The following PDGFD variants were observed in gnomAD, a reference collection of about 807,000 sequenced individuals.
PDGFD encodes platelet-derived growth factor D.
In PDGFD, 30 loss-of-function variants were observed where a neutral mutation model predicts 44.7. The ratio of observed to expected loss-of-function variants is 0.67; its 90% CI spans 0.50 to 0.91. PDGFD has a LOEUF of 0.91. Ranked by LOEUF, PDGFD falls within the 40% of genes least tolerant of loss-of-function variation. The pLI is 0.00. For synonymous variants in PDGFD, 173 were observed against 168.4 expected, an observed-to-expected ratio of 1.03 and a Z score of -0.21; for missense variants, 445 against 457.8, an observed-to-expected ratio of 0.97 and a Z score of 0.25.
At chr11:103,953,135 A>G (rs188676934) in intron 3 of PDGFD, among the ~76,000 whole-genome samples, 253 of 152,266 alleles carry the variant, frequency 1.7e-3, no homozygotes, top group African/African-American at 6.0e-3. Flanking sequence ...ACCTTATATA[A>G]CATTTTGTAT....
At chr11:104,100,909 T>C (rs558458373) in intron 1 of PDGFD, among the ~76,000 whole-genome samples, 1 of 152,266 alleles carries the variant, frequency 6.6e-6, no homozygotes, top group South Asian at 2.1e-4. Flanking sequence ...CAACCCTTCA[T>C]GCTAAAAACT....
intron 3 of PDGFD, among the ~76,000 whole-genome samples, chr11:103,991,037 G>A (rs1859443054): frequency 6.6e-6 from 1 of 151,986 alleles, no homozygotes; most frequent in African/African-American, 2.4e-5. Context: ...TACTCAGGAG[G>A]CTGAGGCAGG....
chr11:104,060,583 T>C (rs889109463), intron 1 of PDGFD, among the ~76,000 whole-genome samples: 1 of 152,252 alleles, frequency 6.6e-6, no homozygotes, highest in African/African-American at 2.4e-5. Context: ...AGGGGAATTC[T>C]GTCTGGCTCA....
chr11:103,964,239 G>C (rs1858981009), intron 3 of PDGFD, among the ~76,000 whole-genome samples: 1 of 152,058 alleles, frequency 6.6e-6, no homozygotes, highest in Non-Finnish European at 1.5e-5. Flanking sequence ...TCCCAGAAGG[G>C]AACTGATTCT....
At chr11:103,981,165 G>C (rs1384106415) in intron 3 of PDGFD, among the ~76,000 whole-genome samples, 1 of 151,562 alleles carries the variant, frequency 6.6e-6, no homozygotes. Context: ...GCATGGGAGT[G>C]GGTTAGTTAT....
chr11:104,086,731 G>T (rs1362610552), intron 1 of PDGFD, among the ~76,000 whole-genome samples: 2 of 152,078 alleles, frequency 1.3e-5, no homozygotes, highest in East Asian at 3.9e-4. Context: ...AATTCCCTTA[G>T]AGCATAATAC....
At chr11:104,048,124 T>C (rs544325668) in intron 1 of PDGFD, among the ~76,000 whole-genome samples, 1 of 152,224 alleles carries the variant, frequency 6.6e-6, no homozygotes, top group East Asian at 1.9e-4. Flanking sequence ...TTCTATATTA[T>C]ATTTGACTGC....
intron 1 of PDGFD, among the ~76,000 whole-genome samples, chr11:104,121,291 A>G (rs1192281637): frequency 8.4e-6 from 1 of 118,432 alleles, no homozygotes; most frequent in Non-Finnish European, 1.7e-5. Context: ...ATTAAGGGGT[A>G]CATATTTGGA....
intron 1 of PDGFD, among the ~76,000 whole-genome samples, chr11:104,135,043 G>T (rs193166813): frequency 4.1e-4 from 63 of 152,324 alleles, no homozygotes; most frequent in African/African-American, 1.5e-3. Flanking sequence ...CTCAGTAGGG[G>T]CTACAGTTAG....
At chr11:104,135,066 T>C (rs574341182) in intron 1 of PDGFD, among the ~76,000 whole-genome samples, 1 of 152,310 alleles carries the variant, frequency 6.6e-6, no homozygotes, top group South Asian at 2.1e-4. Flanking sequence ...CCTCTGAGAA[T>C]AACCATGGGT....
At chr11:104,016,399 G>A (rs555534532) in intron 1 of PDGFD, among the ~76,000 whole-genome samples, 5 of 152,302 alleles carry the variant, frequency 3.3e-5, no homozygotes, top group East Asian at 3.9e-4. Context: ...TTAAGAAAGC[G>A]GAGCCTTTCT....
At chr11:104,130,052 T>C (rs752057597) in intron 1 of PDGFD, among the ~76,000 whole-genome samples, 2 of 143,804 alleles carry the variant, frequency 1.4e-5, no homozygotes, top group African/African-American at 2.6e-5. Flanking sequence ...CCACTCAGCA[T>C]AGGGAATTAA....
chr11:103,927,455 T>C (rs539685318), intron 5 of PDGFD, among the ~76,000 whole-genome samples: 1 of 152,318 alleles, frequency 6.6e-6, no homozygotes, highest in East Asian at 1.9e-4. Context: ...ATTAAAATAA[T>C]TGCCTTTATC....
intron 3 of PDGFD, among the ~76,000 whole-genome samples, chr11:103,952,649 A>G (rs955254718): frequency 9.2e-5 from 14 of 152,128 alleles, no homozygotes; most frequent in Admixed American, 8.5e-4. Context: ...CTAGGACCCA[A>G]TTAGCTATTG....
chr11:104,036,647 C>T, intron 1 of PDGFD: 4 of 614,254 alleles, frequency 6.5e-6, no homozygotes, highest in Non-Finnish European at 1.2e-5. Context: ...GGCACTGAGG[C>T]TGGGAGACAG....
chr11:104,016,335 G>C (rs547189762), intron 1 of PDGFD, among the ~76,000 whole-genome samples: 2 of 152,202 alleles, frequency 1.3e-5, no homozygotes, highest in African/African-American at 4.8e-5. Flanking sequence ...CCCTCGCAGG[G>C]TTGGATTCAA....
At chr11:104,010,184 C>T (rs1591119641) in intron 1 of PDGFD, among the ~76,000 whole-genome samples, 2 of 146,228 alleles carry the variant, frequency 1.4e-5, no homozygotes, top group South Asian at 4.3e-4. Context: ...AGTTACATAT[C>T]TTTTTTTTTT....
chr11:104,037,048 CAGA>C, intron 1 of PDGFD: 4 of 1,614,244 alleles, frequency 2.5e-6, no homozygotes, highest in Non-Finnish European at 3.4e-6. Flanking sequence ...GGTTTTACTG[CAGA>C]AGGACAATGT....
At chr11:104,026,781 T>TA (rs1281941088) in intron 1 of PDGFD, among the ~76,000 whole-genome samples, 4 of 152,300 alleles carry the variant, frequency 2.6e-5, no homozygotes, top group South Asian at 2.1e-4. Flanking sequence ...TTTGGTTTTT[T>TA]AAAAAAACCT....
Sources: allele counts gnomAD v4.1 joint callset (sites outside exome capture counted in the v4.1 genomes callset), GRCh38; gene constraint gnomAD v4.1.1; transcripts MANE v1.5; gene names NCBI Gene and HGNC (gene_info 2026-07-23, HGNC 2026-07-21).